Variants in USH1C observed in about 807,000 individuals in gnomAD.
USH1C encodes the protein harmonin.
In USH1C, 90 loss-of-function variants were observed where a neutral mutation model predicts 119.3. The observed-to-expected ratio is 0.75, with a 90% CI of 0.64 to 0.90. The LOEUF (loss-of-function observed/expected upper bound fraction) is 0.90. Ranked by LOEUF, USH1C falls within the 40% of genes least tolerant of loss-of-function variation. The pLI is 0.00. For synonymous variants in USH1C, 465 were observed against 443.3 expected, an observed-to-expected ratio of 1.05 and a Z score of -0.62; for missense variants, 1,165 against 1,167.7, an observed-to-expected ratio of 1.00 and a Z score of 0.03.
At chr11:17,519,680 G>A (rs1850328302) in intron 14 of USH1C, among the ~76,000 whole-genome samples, 1 of 152,230 alleles carries the variant, frequency 6.6e-6, no homozygotes, top group South Asian at 2.1e-4. Context: ...AACTGATACT[G>A]AATGTCACGG....
intron 18 of USH1C, among the ~76,000 whole-genome samples, chr11:17,508,871 A>G (rs1849748300): frequency 6.6e-6 from 1 of 152,204 alleles, no homozygotes. Context: ...TTGATGGTAC[A>G]GTGTTATCAC....
chr11:17,512,652 C>A (rs1329239783), intron 15 of USH1C, among the ~76,000 whole-genome samples: 1 of 152,118 alleles, frequency 6.6e-6, no homozygotes, highest in Non-Finnish European at 1.5e-5. Flanking sequence ...CACACTGAGA[C>A]CTGGGGGCTC....
chr11:17,516,034 C>T (rs1167817254), intron 15 of USH1C, among the ~76,000 whole-genome samples: 4 of 152,250 alleles, frequency 2.6e-5, no homozygotes, highest in Non-Finnish European at 1.5e-5. Context: ...AGGTCTCACA[C>T]CATGGATCCC....
At chr11:17,502,096 GAGA>G (rs1849469505) in intron 20 of USH1C, 116 bp from the exon 21 acceptor site, 3 of 1,062,288 alleles carry the variant, frequency 2.8e-6, no homozygotes, top group Non-Finnish European at 4.1e-6. Context: ...GGTAGGGCGG[GAGA>G]AGGCACGGCC....
At chr11:17,524,334 C>A in intron 9 of USH1C, 117 bp downstream of exon 9, 1 of 1,126,400 alleles carries the variant, frequency 8.9e-7, no homozygotes, top group South Asian at 1.3e-5. Context: ...GCTCCTACTC[C>A]CTCAGTGTCC....
At position 17,526,368 on chromosome 11, in the gene USH1C, C is replaced by T. The variant is rs1266873222; in HGVS notation, c.653G>A (p.Gly218Asp). Residue 218 changes from glycine to aspartate, a missense_variant, in exon 8 of 27, where the codon GGC (glycine) becomes GAC (aspartate). Transcript: ENST00000005226. ...KEKKVFISLV[G>D]SRGLGCSISS... ...CCACCTGCAGCCAAGGCCTCGGGAGCCTACCAGGCTGATGAAGACCTTCTT... is the reference window on the plus strand; with the variant it reads ...CCACCTGCAGCCAAGGCCTCGGGAGTCTACCAGGCTGATGAAGACCTTCTT... 6.2e-7 allele frequency: 1 copy of T among 1,614,058 alleles called. No homozygotes were observed. Among genetic ancestry groups the T allele is most frequent in the Non-Finnish European group, 8.5e-7 (1 of 1,180,008 alleles).
At chr11:17,536,620 C>T (rs1325668973) in intron 1 of USH1C, among the ~76,000 whole-genome samples, 1 of 152,210 alleles carries the variant, frequency 6.6e-6, no homozygotes, top group Non-Finnish European at 1.5e-5. Context: ...AGCTGCAGAG[C>T]TCAGCTCTTC....
At chr11:17,520,524 G>T (rs554230913) in intron 14 of USH1C, among the ~76,000 whole-genome samples, 2 of 152,302 alleles carry the variant, frequency 1.3e-5, no homozygotes, top group African/African-American at 4.8e-5. Context: ...AACCAAGTAG[G>T]AGGAGGACAT....
rs1591962239 is a variant in USH1C at position 17,501,364 on chromosome 11, C to T, written c.2280+118G>A. 4.3e-5 allele frequency: 53 copies of T among 1,233,662 alleles called. No individual in the cohort carries two copies. In the East Asian group the frequency reaches 1.3e-3, roughly 30 times the overall value. 76.4% of individuals were successfully genotyped at this position (1,233,662 alleles called of 1,614,324 possible). Reference sequence around the variant, plus strand: ...GGCGTCTCCGTGGGAGAGGGGAGGACAGTGGGGACCTGAGAGACCACCCAG... The same window carrying T: ...GGCGTCTCCGTGGGAGAGGGGAGGATAGTGGGGACCTGAGAGACCACCCAG... On this transcript the variant is annotated intron_variant, in intron 22 of 26. Transcript: ENST00000005226.
At chr11:17,526,493 G>T in intron 7 of USH1C, 52 bp from the exon 8 acceptor site, 1 of 1,514,194 alleles carries the variant, frequency 6.6e-7, no homozygotes, top group Non-Finnish European at 9.1e-7. Flanking sequence ...CGTGCAAGCG[G>T]CCTCTTGAGC....
chr11:17,503,495 T>G (rs1360735719), intron 20 of USH1C, among the ~76,000 whole-genome samples: 1 of 151,830 alleles, frequency 6.6e-6, no homozygotes, highest in East Asian at 1.9e-4. Flanking sequence ...CCCAGAGAGG[T>G]GATATTCACG....
At chr11:17,538,188 C>T (rs969211733) in intron 1 of USH1C, among the ~76,000 whole-genome samples, 5 of 152,172 alleles carry the variant, frequency 3.3e-5, no homozygotes, top group South Asian at 2.1e-4. Context: ...TCCCTGCTAC[C>T]CCCTGCCCCT....
chr11:17,529,598 T>TA (rs756097924), intron 4 of USH1C, among the ~76,000 whole-genome samples: 3 of 152,196 alleles, frequency 2.0e-5, no homozygotes, highest in Admixed American at 6.5e-5. Flanking sequence ...GTCTTATTCC[T>TA]AAAGGGAATT....
rs1327246303 is a variant in USH1C at position 17,544,333 on chromosome 11, T to C, written c.-26A>G. 3 of 1,613,866 alleles carry C rather than the reference T, an allele frequency of 1.9e-6. No homozygotes were observed. Among genetic ancestry groups the C allele is most frequent in the African/African-American group, 1.3e-5 (1 of 75,066 alleles). On this transcript the variant is annotated 5_prime_UTR_variant, in exon 1 of 27. Coordinates refer to ENST00000005226, the MANE Select transcript of USH1C (RefSeq NM_153676.4). ...GGCTGGGCCAGGTCCAGCTGCGTCG[T>C]TGCACGACCCGTTCCTTCGGGTGCC...
intron 23 of USH1C, among the ~76,000 whole-genome samples, chr11:17,500,759 T>A (rs894022279): frequency 1.3e-5 from 2 of 152,152 alleles, no homozygotes; most frequent in Non-Finnish European, 2.9e-5. Flanking sequence ...CGTCAGCCCT[T>A]AGCAGACCAT....
In USH1C at chr11:17,509,634, G is replaced by A. The variant is rs760852368; in HGVS notation, c.1735C>T (p.Pro579Ser). ...TGGCCAGATAAGGGAAGGACAGGGG[G>A]CGCCGGGACCTTGTGGGGTGGGTTG... The part of the protein sequence containing the change: ...PSNPPHKVPA[P>S]PVLPLSGHVS... Residue 579 changes from proline to serine, a missense_variant, in exon 18 of 27, where the codon CCC becomes TCC. Coordinates refer to ENST00000005226, the MANE Select transcript of USH1C (RefSeq NM_153676.4). 1.3e-6 allele frequency: 2 copies of A among 1,593,492 alleles called. No individual in the cohort carries two copies. The highest frequency in any genetic ancestry group is 1.1e-5 in the South Asian group (1 of 88,774).
chr11:17,535,391 G>C (rs1851194335), intron 1 of USH1C, among the ~76,000 whole-genome samples: 1 of 151,900 alleles, frequency 6.6e-6, no homozygotes, highest in Non-Finnish European at 1.5e-5. Flanking sequence ...TTTCCAGAGA[G>C]GTCTTCCCTG....
chr11:17,526,016 C>T (rs1850651817), intron 8 of USH1C, among the ~76,000 whole-genome samples: 1 of 152,004 alleles, frequency 6.6e-6, no homozygotes, highest in Non-Finnish European at 1.5e-5. Context: ...GCCTGGGCAA[C>T]ATAACAAAAC....
chr11:17,501,384 AC>A (rs1336047397), intron 22 of USH1C, 97 bp downstream of exon 22: 3 of 1,410,690 alleles, frequency 2.1e-6, no homozygotes. Context: ...CTGAGAGACC[AC>A]CCAGGAGTGA....
Sources: allele counts gnomAD v4.1 joint callset (sites outside exome capture counted in the v4.1 genomes callset), GRCh38; gene constraint gnomAD v4.1.1; transcripts MANE v1.5; gene names NCBI Gene and HGNC (gene_info 2026-07-23, HGNC 2026-07-21).